The following DOCK2 variants were observed in gnomAD, a reference collection of about 807,000 sequenced individuals.
The protein encoded by DOCK2 is dedicator of cytokinesis protein 2.
DOCK2 carries 87 observed loss-of-function variants against 248.9 expected under a neutral mutation model. The ratio of observed to expected loss-of-function variants is 0.35; its 90% CI spans 0.29 to 0.42. DOCK2 has a LOEUF of 0.42. Among genes scored for constraint, DOCK2 ranks in the 10% least tolerant of loss-of-function variants. DOCK2 has a pLI of 1.00. For missense variants in DOCK2, 1,747 were observed against 2,300.2 expected (o/e 0.76, Z 4.92); for synonymous variants, 805 against 821.6 (o/e 0.98, Z 0.35).
intron 23 of DOCK2, among the ~76,000 whole-genome samples, chr5:169,753,058 T>C (rs1680310712): frequency 7.9e-6 from 1 of 127,094 alleles, no homozygotes; most frequent in African/African-American, 4.0e-5. Context: ...AGCAAGACTC[T>C]ATCTAAAAAT....
chr5:170,036,452 A>C (rs1756325846), intron 35 of DOCK2, 63 bp from the exon 36 acceptor site: 1 of 1,534,210 alleles, frequency 6.5e-7, no homozygotes, highest in Admixed American at 1.8e-5. Flanking sequence ...TCATCACCAC[A>C]CCCTTGACCG....
At chr5:169,704,291 G>T (rs1159873333) in intron 14 of DOCK2, among the ~76,000 whole-genome samples, 6 of 152,192 alleles carry the variant, frequency 3.9e-5, no homozygotes. Flanking sequence ...ACTTCTGTTT[G>T]ATATTGGTGG....
intron 26 of DOCK2, among the ~76,000 whole-genome samples, chr5:169,819,485 G>C (rs1168211240): frequency 6.6e-6 from 1 of 152,124 alleles, no homozygotes; most frequent in African/African-American, 2.4e-5. Context: ...GCTGGTCATG[G>C]TAGCATGCAC....
Position 170,079,007 on chromosome 5 carries a change from C to A in DOCK2, c.5027C>A (p.Pro1676Gln), listed in dbSNP as rs150108225. ...FDLELASPKT[P>Q]RVEQEEPISP... is the part of the protein sequence containing the mutation. ...CTGGAATTAGCATCACCCAAGACGC[C>A]GAGAGTGGAGCAGGAGGAACCGATC... Residue 1676 changes from proline to glutamine, a missense_variant, in exon 49 of 52, where the codon CCG (proline) becomes CAG (glutamine). By Grantham distance (76) the Pro-to-Gln change is moderately conservative. Around this residue, in one of 4 missense-constraint regions of DOCK2, gnomAD observed 513 missense variants for 586.1 expected, o/e 0.88. Transcript: ENST00000520908. 1 of 1,614,070 alleles carries A rather than the reference C, an allele frequency of 6.2e-7. No homozygotes were observed. The highest frequency in any genetic ancestry group is 8.5e-7 in the Non-Finnish European group (1 of 1,180,016).
At chr5:169,735,661 T>C (rs1180324581) in intron 22 of DOCK2, among the ~76,000 whole-genome samples, 2 of 152,218 alleles carry the variant, frequency 1.3e-5, no homozygotes, top group Non-Finnish European at 2.9e-5. Flanking sequence ...AGCACCGTCA[T>C]TGGCACAATA....
In DOCK2 at chr5:170,063,319, G is replaced by T. The variant is rs116469291; in HGVS notation, c.4468-4191G>T. ...AAAAGGACTCCATCTAAACCTCTTA[G>T]CTCTGGGAACAGAAGGGAGCAGGCA... is the stretch of plus-strand genomic sequence containing the variant. On this transcript the variant is annotated intron_variant, in intron 44 of 51. Coordinates refer to ENST00000520908, the MANE Select transcript of DOCK2 (RefSeq NM_004946.3). Among the ~76,000 whole-genome samples the T allele has an allele frequency of 7.6e-3, 1,153 of 152,256 alleles. 21 individuals carry two copies. The highest frequency in any genetic ancestry group is 0.027 in the African/African-American group (1,103 of 41,518).
intron 1 of DOCK2, among the ~76,000 whole-genome samples, chr5:169,641,572 G>C (rs929511726): frequency 7.2e-5 from 11 of 152,198 alleles, no homozygotes; most frequent in Admixed American, 2.0e-4. Flanking sequence ...GGGAGAAGTG[G>C]TGTATTTTAG....
chr5:169,852,087 G>T (rs1770648756), intron 27 of DOCK2, among the ~76,000 whole-genome samples: 1 of 152,142 alleles, frequency 6.6e-6, no homozygotes, highest in Non-Finnish European at 1.5e-5. Flanking sequence ...GAGAGAGAGG[G>T]AAAGAGAGAG....
At chr5:169,689,623 A>C (rs909932160) in intron 9 of DOCK2, among the ~76,000 whole-genome samples, 1 of 152,224 alleles carries the variant, frequency 6.6e-6, no homozygotes, top group Admixed American at 6.5e-5. Context: ...TTCTTTGAGC[A>C]ATAATGCCCA....
intron 1 of DOCK2, among the ~76,000 whole-genome samples, chr5:169,641,261 C>CA (rs1554135028): frequency 6.6e-6 from 1 of 152,132 alleles, no homozygotes; most frequent in Non-Finnish European, 1.5e-5. Flanking sequence ...TCCAACGTCT[C>CA]TTTTTTTGGA....
chr5:169,893,197 G>T (rs555827797), intron 27 of DOCK2, among the ~76,000 whole-genome samples: 2 of 152,306 alleles, frequency 1.3e-5, no homozygotes, highest in Admixed American at 6.5e-5. Context: ...GCCCTGTAGG[G>T]ACAATTCTGT....
At chr5:169,945,388 C>T (rs1776405036) in intron 27 of DOCK2, among the ~76,000 whole-genome samples, 2 of 152,256 alleles carry the variant, frequency 1.3e-5, no homozygotes, top group South Asian at 2.1e-4. Context: ...AATTTGAACT[C>T]TTTGGGTCTC....
At chr5:169,892,784 T>A (rs1207551804) in intron 27 of DOCK2, among the ~76,000 whole-genome samples, 1 of 152,202 alleles carries the variant, frequency 6.6e-6, no homozygotes, top group Non-Finnish European at 1.5e-5. Flanking sequence ...AGAGTGAACA[T>A]AACAAACATG....
intron 26 of DOCK2, among the ~76,000 whole-genome samples, chr5:169,832,725 T>C (rs1401868334): frequency 6.6e-6 from 1 of 152,154 alleles, no homozygotes; most frequent in Non-Finnish European, 1.5e-5. Flanking sequence ...TTTCTAGGTG[T>C]TTGTGGTAGT....
chr5:170,057,466 G>A (rs943886653), intron 43 of DOCK2, 114 bp from the exon 44 acceptor site: 1 of 818,534 alleles, frequency 1.2e-6, no homozygotes. Context: ...CTGCTTTCGG[G>A]TAGATGGGAG....
At chr5:169,906,394 A>C (rs940620708) in intron 27 of DOCK2, among the ~76,000 whole-genome samples, 1 of 152,202 alleles carries the variant, frequency 6.6e-6, no homozygotes, top group Admixed American at 6.5e-5. Flanking sequence ...AATTAAAACC[A>C]CCATCATTTG....
intron 25 of DOCK2, among the ~76,000 whole-genome samples, chr5:169,789,339 A>G (rs1766184885): frequency 1.3e-5 from 2 of 152,256 alleles, no homozygotes; most frequent in Admixed American, 6.5e-5. Flanking sequence ...TCTTTATAAT[A>G]GAACGAATTA....
At chr5:169,813,032 G>T (rs547956012) in intron 26 of DOCK2, among the ~76,000 whole-genome samples, 1 of 152,228 alleles carries the variant, frequency 6.6e-6, no homozygotes, top group Non-Finnish European at 1.5e-5. Context: ...TTCCTGGAGC[G>T]ACTGGAGAAA....
chr5:169,695,772 G>C, intron 9 of DOCK2, 31 bp from the exon 10 acceptor site: 1 of 1,612,214 alleles, frequency 6.2e-7, no homozygotes, highest in Non-Finnish European at 8.5e-7. Context: ...TTCAGCACAT[G>C]ATGGTCAATT....
Sources: gnomAD v4.1 joint callset for allele counts (sites outside exome capture counted in the v4.1 genomes callset) on GRCh38, gnomAD v4.1.1 for gene constraint, gnomAD v4.1.1 regional missense constraint, MANE v1.5 for transcripts, NCBI Gene and HGNC (gene_info 2026-07-23, HGNC 2026-07-21) for gene names.